Variants in ITGBL1 observed in about 807,000 individuals in gnomAD.
The protein encoded by ITGBL1 is integrin beta-like protein 1.
In ITGBL1, 51 loss-of-function variants were observed where a neutral mutation model predicts 68.5. The observed-to-expected ratio is 0.74, with a 90% CI of 0.59 to 0.94. The LOEUF is 0.94. Among genes scored for constraint, ITGBL1 ranks in the 40% least tolerant of loss-of-function variants. The pLI is 0.00. For missense variants in ITGBL1, 649 were observed against 647.4 expected, an observed-to-expected ratio of 1.00 and a Z score of -0.03; for synonymous variants, 209 against 227.3, an observed-to-expected ratio of 0.92 and a Z score of 0.72.
intron 8 of ITGBL1, among the ~76,000 whole-genome samples, chr13:101,700,154 G>T (rs2034102541): frequency 6.6e-6 from 1 of 152,196 alleles, no homozygotes; most frequent in African/African-American, 2.4e-5. Flanking sequence ...GTGCCTAGCT[G>T]CTTACTTGAC....
intron 5 of ITGBL1, 77 bp downstream of exon 5, chr13:101,579,504 A>T: frequency 6.8e-7 from 1 of 1,460,586 alleles, no homozygotes; most frequent in Middle Eastern, 1.8e-4. Flanking sequence ...TTTTCTTTGT[A>T]TTTCCTCTAG....
chr13:101,511,640 C>T (rs1171193647), intron 2 of ITGBL1, among the ~76,000 whole-genome samples: 1 of 152,108 alleles, frequency 6.6e-6, no homozygotes, highest in Non-Finnish European at 1.5e-5. Context: ...TCTCGCCCTC[C>T]TTTCCTGGCT....
chr13:101,578,638 T>G (rs1389435037), intron 4 of ITGBL1, among the ~76,000 whole-genome samples: 1 of 152,110 alleles, frequency 6.6e-6, no homozygotes, highest in Non-Finnish European at 1.5e-5. Context: ...CACAAAATGG[T>G]GAGTGCCCTT....
chr13:101,597,275 G>T (rs1583526), intron 6 of ITGBL1, among the ~76,000 whole-genome samples: 86,143 of 151,930 alleles, frequency 0.57, 25,965 homozygotes, highest in Middle Eastern at 0.68. Context: ...CTCTGATATT[G>T]TTTGTTAGCG....
intron 6 of ITGBL1, among the ~76,000 whole-genome samples, chr13:101,591,627 A>AC (rs1223650202): frequency 6.6e-6 from 1 of 152,284 alleles, no homozygotes. Flanking sequence ...AGAAGATGGA[A>AC]CCGCAAACCT....
At chr13:101,547,193 G>A (rs2049840819) in intron 2 of ITGBL1, among the ~76,000 whole-genome samples, 1 of 150,960 alleles carries the variant, frequency 6.6e-6, no homozygotes, top group Non-Finnish European at 1.5e-5. Flanking sequence ...AGAATTTATT[G>A]CTAATTTTTT....
intron 7 of ITGBL1, among the ~76,000 whole-genome samples, chr13:101,657,861 T>A (rs1300222166): frequency 6.6e-6 from 1 of 152,160 alleles, no homozygotes; most frequent in African/African-American, 2.4e-5. Context: ...CTGAAAGAAG[T>A]GGGCAGAGCA....
intron 2 of ITGBL1, among the ~76,000 whole-genome samples, chr13:101,529,028 T>C (rs1487309667): frequency 6.6e-6 from 1 of 151,848 alleles, no homozygotes; most frequent in Non-Finnish European, 1.5e-5. Context: ...AATTAGGCAC[T>C]ATACCATAGG....
At chr13:101,651,984 TG>T in intron 7 of ITGBL1, among the ~76,000 whole-genome samples, 1 of 152,328 alleles carries the variant, frequency 6.6e-6, no homozygotes, top group East Asian at 1.9e-4. Context: ...TGGTTATAGA[TG>T]TGCAGTCTTA....
At chr13:101,633,414 C>T (rs191905025) in intron 7 of ITGBL1, among the ~76,000 whole-genome samples, 4 of 152,274 alleles carry the variant, frequency 2.6e-5, no homozygotes, top group East Asian at 1.9e-4. Context: ...TAAGCCATCT[C>T]GTTGATTTAC....
chr13:101,461,351 T>G (rs554057934), intron 2 of ITGBL1, among the ~76,000 whole-genome samples: 3 of 152,142 alleles, frequency 2.0e-5, no homozygotes, highest in Non-Finnish European at 4.4e-5. Flanking sequence ...TTGTTACATC[T>G]GACCTTGTGA....
intron 2 of ITGBL1, among the ~76,000 whole-genome samples, chr13:101,456,479 T>C (rs1288997594): frequency 6.6e-6 from 1 of 152,228 alleles, no homozygotes. Flanking sequence ...GTTTCCTATG[T>C]TTATGTGCCC....
chr13:101,720,796 A>C (rs2034922931), downstream of ITGBL1: 1 of 152,130 alleles, frequency 6.6e-6, no homozygotes, highest in South Asian at 2.1e-4. Context: ...TGACCAAAGG[A>C]ATCATTTTGT....
At chr13:101,485,397 C>CA (rs1377060466) in intron 2 of ITGBL1, among the ~76,000 whole-genome samples, 3 of 151,826 alleles carry the variant, frequency 2.0e-5, no homozygotes, top group Non-Finnish European at 2.9e-5. Flanking sequence ...AGACAGTTCT[C>CA]AAAAAAAGAT....
intron 8 of ITGBL1, among the ~76,000 whole-genome samples, chr13:101,695,264 C>T (rs535801283): frequency 6.6e-5 from 10 of 152,128 alleles, no homozygotes; most frequent in Admixed American, 2.6e-4. Context: ...TGGAACTTGG[C>T]CAAGTAGGGG....
chr13:101,510,381 G>T (rs2049096217), intron 2 of ITGBL1, among the ~76,000 whole-genome samples: 1 of 152,030 alleles, frequency 6.6e-6, no homozygotes, highest in Non-Finnish European at 1.5e-5. Context: ...TGCTATATAT[G>T]TACCATATTT....
chr13:101,693,971 A>G (rs2033943407), intron 8 of ITGBL1, among the ~76,000 whole-genome samples: 2 of 152,164 alleles, frequency 1.3e-5, no homozygotes, highest in African/African-American at 4.8e-5. Flanking sequence ...TGGGCAGTTT[A>G]TCTTATGCCA....
chr13:101,665,958 T>G (rs2033205501), intron 7 of ITGBL1, among the ~76,000 whole-genome samples: 1 of 152,178 alleles, frequency 6.6e-6, no homozygotes, highest in Non-Finnish European at 1.5e-5. Flanking sequence ...TTATTGATCC[T>G]TGTAGCCAGG....
intron 2 of ITGBL1, among the ~76,000 whole-genome samples, chr13:101,483,755 C>G (rs891063282): frequency 6.6e-6 from 1 of 151,974 alleles, no homozygotes; most frequent in Non-Finnish European, 1.5e-5. Context: ...TACTATCTTA[C>G]CACATATTTT....
Sources: allele counts gnomAD v4.1 joint callset (sites outside exome capture counted in the v4.1 genomes callset), GRCh38; gene constraint gnomAD v4.1.1; transcripts MANE v1.5; gene names NCBI Gene and HGNC (gene_info 2026-07-23, HGNC 2026-07-21).